OTULINL: variants seen among roughly 807,000 people sequenced by gnomAD.
OTULINL encodes inactive ubiquitin thioesterase OTULINL.
Under a neutral mutation model 43.9 loss-of-function variants are expected in OTULINL, and 42 were observed. The observed-to-expected ratio is 0.96, with a 90% CI of 0.75 to 1.24. The LOEUF is 1.24. OTULINL is among the 50% of genes most tolerant of loss of function. The probability of loss-of-function intolerance (pLI) is 0.00; values close to 1 mark genes in which losing one functional copy is unlikely to be tolerated. For missense variants in OTULINL, 411 were observed against 426.4 expected (o/e 0.96, Z 0.32); for synonymous variants, 172 against 153.6 (o/e 1.12, Z -0.88).
Position 14,610,411 on chromosome 5 carries a change from A to G in OTULINL, c.*97A>G. 1 of 1,285,108 alleles carries G rather than the reference A, an allele frequency of 7.8e-7. No homozygotes were observed. The highest frequency in any genetic ancestry group is 1.1e-6 in the Non-Finnish European group (1 of 917,106). 79.6% of individuals were successfully genotyped at this position (1,285,108 alleles called of 1,614,324 possible). The stretch of plus-strand genomic sequence containing the variant: ...ACCAAAGCTAGCATTTCAGCATGGA[A>G]GGAATTAGGACCTTTTCTTCAGGAT... On this transcript the variant is annotated 3_prime_UTR_variant, in exon 8 of 8. Coordinates refer to ENST00000274217, the MANE Select transcript of OTULINL (RefSeq NM_019018.3).
chr5:14,593,483 T>G (rs1449864186), intron 1 of OTULINL, among the ~76,000 whole-genome samples: 1 of 152,174 alleles, frequency 6.6e-6, no homozygotes, highest in Non-Finnish European at 1.5e-5. Flanking sequence ...TCGAATGAGT[T>G]GTCTCTCCCA....
At chr5:14,588,737 T>C (rs1759149485) in intron 1 of OTULINL, among the ~76,000 whole-genome samples, 1 of 152,232 alleles carries the variant, frequency 6.6e-6, no homozygotes, top group South Asian at 2.1e-4. Context: ...CTGTCTCTTT[T>C]GGGTACAAGA....
chr5:14,586,723 C>T (rs1254790337), intron 1 of OTULINL, among the ~76,000 whole-genome samples: 1 of 152,116 alleles, frequency 6.6e-6, no homozygotes, highest in Non-Finnish European at 1.5e-5. Flanking sequence ...TACCTCAGCT[C>T]TTTCTCCTCT....
At chr5:14,609,397 T>C (rs903949021) in intron 7 of OTULINL, among the ~76,000 whole-genome samples, 4 of 152,228 alleles carry the variant, frequency 2.6e-5, no homozygotes, top group Non-Finnish European at 5.9e-5. Flanking sequence ...TGAAACTTTC[T>C]AAAGCCAGAA....
intron 1 of OTULINL, among the ~76,000 whole-genome samples, chr5:14,590,439 C>T (rs1041651635): frequency 6.6e-6 from 1 of 152,160 alleles, no homozygotes; most frequent in African/African-American, 2.4e-5. Context: ...TGTTGCTGTC[C>T]TGTGGACTTT....
At chr5:14,608,472 A>G (rs1268009157) in intron 6 of OTULINL, among the ~76,000 whole-genome samples, 3 of 152,202 alleles carry the variant, frequency 2.0e-5, no homozygotes, top group Non-Finnish European at 4.4e-5. Context: ...CTCCACCGTC[A>G]GGACCTAATC....
At chr5:14,592,103 CAGA>C (rs749095339) in intron 1 of OTULINL, among the ~76,000 whole-genome samples, 2 of 152,128 alleles carry the variant, frequency 1.3e-5, no homozygotes, top group African/African-American at 2.4e-5. Context: ...TGACCCTTTT[CAGA>C]AGACTTACCC....
intron 1 of OTULINL, among the ~76,000 whole-genome samples, chr5:14,584,858 G>A (rs1759077858): frequency 6.6e-6 from 1 of 152,202 alleles, no homozygotes; most frequent in African/African-American, 2.4e-5. Context: ...AGATGTTTCT[G>A]AGCCACCATA....
In OTULINL at chr5:14,612,726, T is replaced by G. The variant is rs1481617664; in HGVS notation, c.*2412T>G. 6.6e-6 allele frequency: 1 copy of G among 152,196 alleles called. No homozygotes were observed. Among genetic ancestry groups the G allele is most frequent in the African/African-American group, 2.4e-5 (1 of 41,454 alleles). The allele number at this position is 152,196 out of a possible 1,614,324, so 9.4% of individuals were successfully genotyped here. Reference sequence around the variant, plus strand: ...GGGTGATGCCAACATTTAAATGTCTTTCTAACCGTATATGTTTTAAATGGT... The same window carrying G: ...GGGTGATGCCAACATTTAAATGTCTGTCTAACCGTATATGTTTTAAATGGT... On this transcript the variant is annotated 3_prime_UTR_variant, in exon 8 of 8. Coordinates refer to ENST00000274217, the MANE Select transcript of OTULINL (RefSeq NM_019018.3).
rs953481065 is a variant in OTULINL, at chr5:14,611,731, G to A, written c.*1417G>A. The stretch of plus-strand genomic sequence containing the variant: ...TTTTTTTTTTGGAGGTACTTTGCTA[G>A]TCTGTTTTGAGTTTCAGTACATAAG... On this transcript the variant is annotated 3_prime_UTR_variant, in exon 8 of 8. Coordinates refer to ENST00000274217, the MANE Select transcript of OTULINL (RefSeq NM_019018.3). The A allele has an allele frequency of 3.3e-5, 5 of 151,916 alleles. No individual in the cohort carries two copies. Among genetic ancestry groups the A allele is most frequent in the African/African-American group, 9.7e-5 (4 of 41,348 alleles). 9.4% of individuals were successfully genotyped at this position (151,916 alleles called of 1,614,324 possible). A position where few individuals can be genotyped will look rare whatever the true frequency, so the allele number is the denominator to read the frequency against.
chr5:14,601,527 T>G (rs989234703), intron 4 of OTULINL, 85 bp downstream of exon 4: 1 of 1,213,976 alleles, frequency 8.2e-7, no homozygotes, highest in Non-Finnish European at 1.2e-6. Context: ...CTTTACTAAA[T>G]CCAGATATCC....
At chr5:14,606,010 A>G (rs1759469403) in intron 5 of OTULINL, among the ~76,000 whole-genome samples, 1 of 152,050 alleles carries the variant, frequency 6.6e-6, no homozygotes, top group Non-Finnish European at 1.5e-5. Context: ...TTTCAGCAGC[A>G]CCCCAGTCCT....
intron 1 of OTULINL, among the ~76,000 whole-genome samples, chr5:14,586,479 A>T (rs537180247): frequency 9.8e-5 from 15 of 152,342 alleles, no homozygotes; most frequent in Admixed American, 3.3e-4. Flanking sequence ...TAGGTAATAA[A>T]CAAAAATCCC....
chr5:14,611,781 T>A lies in OTULINL; in HGVS notation c.*1467T>A, dbSNP rs1426290959. The stretch of plus-strand genomic sequence containing the variant: ...GAATAATTTTTAAAATCTTGCTAAT[T>A]ATATATTACTTCAAAGTCACAAATC... On this transcript the variant is annotated 3_prime_UTR_variant, in exon 8 of 8. Transcript: ENST00000274217. 1 of 152,184 alleles carries A rather than the reference T, an allele frequency of 6.6e-6. No homozygotes were observed. The highest frequency in any genetic ancestry group is 1.5e-5 in the Non-Finnish European group (1 of 68,042). The allele number at this position is 152,184 out of a possible 1,614,324, so 9.4% of individuals were successfully genotyped here.
chr5:14,583,528 G>T (rs1759052473), intron 1 of OTULINL, among the ~76,000 whole-genome samples: 1 of 152,168 alleles, frequency 6.6e-6, no homozygotes, highest in African/African-American at 2.4e-5. Flanking sequence ...GCCTTCTCCA[G>T]GCTTAACATC....
chr5:14,602,295 C>T lies in OTULINL; in HGVS notation c.461C>T (p.Ser154Phe). 6.2e-7 allele frequency: 1 copy of T among 1,613,938 alleles called. No homozygotes were observed. Among genetic ancestry groups the T allele is most frequent in the Non-Finnish European group, 8.5e-7 (1 of 1,179,894 alleles). The change falls in exon 5 of 8, where the codon TCT becomes TTT. Residue 154 changes from serine to phenylalanine, a missense_variant. Transcript: ENST00000274217. Reference sequence around the variant, plus strand: ...TTTCAGATATTCAGCCAGGGCATCTCTTTTCCATCATGGATGAAAGAAAAG... The same window carrying T: ...TTTCAGATATTCAGCCAGGGCATCTTTTTTCCATCATGGATGAAAGAAAAG... ...VLFQIFSQGI[S>F]FPSWMKEKDI...
intron 1 of OTULINL, among the ~76,000 whole-genome samples, chr5:14,596,879 C>G (rs975739292): frequency 2.0e-5 from 3 of 152,136 alleles, no homozygotes; most frequent in African/African-American, 4.8e-5. Flanking sequence ...GCCACCAGTC[C>G]TGTCATGGGG....
intron 7 of OTULINL, among the ~76,000 whole-genome samples, chr5:14,609,772 A>T (rs1759546208): frequency 6.6e-6 from 1 of 151,946 alleles, no homozygotes; most frequent in Non-Finnish European, 1.5e-5. Context: ...CTGGGACTAC[A>T]GGCGCCCGCC....
intron 5 of OTULINL, among the ~76,000 whole-genome samples, chr5:14,603,984 C>A (rs1212128050): frequency 6.6e-6 from 1 of 152,088 alleles, no homozygotes; most frequent in Admixed American, 6.6e-5. Context: ...AAATGCTTGT[C>A]AAATATATGC....
Sources: allele counts gnomAD v4.1 joint callset (sites outside exome capture counted in the v4.1 genomes callset), GRCh38; gene constraint gnomAD v4.1.1; transcripts MANE v1.5; gene names NCBI Gene and HGNC (gene_info 2026-07-23, HGNC 2026-07-21).